RPTOR: variants seen among roughly 807,000 people sequenced by gnomAD.
RPTOR encodes the protein regulatory associated protein of MTOR complex 1.
RPTOR carries 21 observed loss-of-function variants against 169.9 expected under a neutral mutation model. That is an observed-to-expected ratio of 0.12 (90% CI 0.09 to 0.18). The LOEUF (loss-of-function observed/expected upper bound fraction) is 0.18. RPTOR is among the 10% of genes least tolerant of loss of function. The pLI, the probability that RPTOR is intolerant of heterozygous loss-of-function variation, is 1.00. For missense variants in RPTOR, 1,133 were observed against 1,855.9 expected, an observed-to-expected ratio of 0.61 and a Z score of 7.16; for synonymous variants, 732 against 753.2, an observed-to-expected ratio of 0.97 and a Z score of 0.46.
chr17:80,748,419 G>A (rs1483403615), intron 5 of RPTOR, among the ~76,000 whole-genome samples: 1 of 8,548 alleles, frequency 1.2e-4, no homozygotes, highest in Non-Finnish European at 2.1e-4. Context: ...GTGTGTGTTT[G>A]GAGGCCGTGG....
Position 80,825,921 on chromosome 17 carries a change from C to T in RPTOR, c.1136+2698C>T, listed in dbSNP as rs139432148. Among the ~76,000 whole-genome samples the T allele has an allele frequency of 3.3e-5, 5 of 152,254 alleles. No homozygotes were observed. The East Asian group carries it at 7.7e-4, about 24-fold the overall frequency. On this transcript the variant is annotated intron_variant, in intron 9 of 33. Transcript: ENST00000306801. ...CAGGGTGGGCTGTCTGGGAAGTAGA[C>T]GGAGACGGAGGCTGGTGTCATGACA...
chr17:80,673,511 T>A (rs768397334), intron 3 of RPTOR, among the ~76,000 whole-genome samples: 8 of 152,228 alleles, frequency 5.3e-5, no homozygotes, highest in Non-Finnish European at 1.0e-4. Context: ...CAAGCAGCTG[T>A]CATCGTTGTT....
intron 1 of RPTOR, among the ~76,000 whole-genome samples, chr17:80,561,139 C>T (rs949413249): frequency 1.1e-4 from 16 of 151,126 alleles, no homozygotes; most frequent in African/African-American, 3.7e-4. Context: ...GGTGTGATCT[C>T]GGCTCACTGC....
chr17:80,650,983 C>T (rs2065634782), intron 3 of RPTOR, among the ~76,000 whole-genome samples: 1 of 152,204 alleles, frequency 6.6e-6, no homozygotes, highest in African/African-American at 2.4e-5. Flanking sequence ...TCATCATGTT[C>T]CCTTTAACAA....
chr17:80,917,133 G>C (rs1306723516), intron 21 of RPTOR, among the ~76,000 whole-genome samples: 6 of 139,340 alleles, frequency 4.3e-5, no homozygotes, highest in African/African-American at 8.1e-5. Flanking sequence ...TTTTTTTTGA[G>C]ACTGAGTCTC....
chr17:80,892,855 G>C lies in RPTOR; in HGVS notation c.2228G>C (p.Ser743Thr), dbSNP rs1237481465. The change falls in exon 19 of 34, where the codon AGT becomes ACT. Residue 743 changes from serine (S) to threonine (T), a missense_variant. Ser to Thr is a moderately conservative substitution (Grantham distance 58, BLOSUM62 1). Coordinates refer to ENST00000306801, the MANE Select transcript of RPTOR (RefSeq NM_020761.3). ...CTCAACAAATCTTTGCAGAACCTGA[G>C]TTTGACAGAGGAATGTAAGATCCTG... is the stretch of plus-strand genomic sequence containing the variant. ...RSLNKSLQNLSLTEESGGAVA... is the reference protein window; with the variant it reads ...RSLNKSLQNLTLTEESGGAVA... The C allele has an allele frequency of 1.2e-6, 2 of 1,614,076 alleles. No individual in the cohort carries two copies. The highest frequency in any genetic ancestry group is 2.7e-5 in the African/African-American group (2 of 75,064).
rs1162695447 is a variant in RPTOR at position 80,803,284 on chromosome 17, G to A, written c.890+11775G>A. 1 of 152,254 alleles carries A rather than the reference G, an allele frequency of 6.6e-6. No homozygotes were observed. The highest frequency in any genetic ancestry group is 1.5e-5 in the Non-Finnish European group (1 of 68,078). 9.4% of individuals were successfully genotyped at this position (152,254 alleles called of 1,614,324 possible). A position where few individuals can be genotyped will look rare whatever the true frequency, so the allele number is the denominator to read the frequency against. ...TGAGGCCATCTCCATTTAAACTTCT[G>A]GAAACCGAGGCAAGGGAGGTGGAGA... On this transcript the variant is annotated intron_variant, in intron 7 of 33. Transcript: ENST00000306801. This position sits in a 1 kb window ranked among gnomAD's most constrained non-coding sequence, Gnocchi z 6.2.
chr17:80,671,849 C>T (rs142019640), intron 3 of RPTOR, among the ~76,000 whole-genome samples: 149 of 152,240 alleles, frequency 9.8e-4, no homozygotes, highest in African/African-American at 3.5e-3. Context: ...GTGTTCTTTG[C>T]GCACAAAGAT....
intron 2 of RPTOR, among the ~76,000 whole-genome samples, chr17:80,637,643 G>A (rs567093601): frequency 1.4e-3 from 209 of 152,338 alleles, no homozygotes; most frequent in African/African-American, 4.9e-3. Flanking sequence ...AGCAGAGTGC[G>A]GATGAGCTGC....
intron 7 of RPTOR, among the ~76,000 whole-genome samples, chr17:80,796,614 T>C (rs560339956): frequency 2.0e-5 from 3 of 152,292 alleles, no homozygotes; most frequent in African/African-American, 7.2e-5. Context: ...GTATTAGAGT[T>C]CAAGATGAGA....
chr17:80,821,008 A>G (rs577960113), intron 7 of RPTOR, among the ~76,000 whole-genome samples: 2 of 152,334 alleles, frequency 1.3e-5, no homozygotes, highest in Admixed American at 6.5e-5. Context: ...AGAATATTAT[A>G]CTAACTTCTC....
At position 80,901,849 on chromosome 17, in the gene RPTOR, C is replaced by T. The variant is rs538988299; in HGVS notation, c.2402-6962C>T. Among the ~76,000 whole-genome samples the T allele has an allele frequency of 5.9e-5, 9 of 152,064 alleles. No individual in the cohort carries two copies. In the South Asian group the frequency reaches 1.9e-3, roughly 32 times the overall value. On this transcript the variant is annotated intron_variant, in intron 20 of 33. Coordinates refer to ENST00000306801, the MANE Select transcript of RPTOR (RefSeq NM_020761.3). Reference sequence around the variant, plus strand: ...TCCCTGCTCTGCCTTCCCCAGAGCACTTGCATTCTTACACCCTCAGTCACG... The same window carrying T: ...TCCCTGCTCTGCCTTCCCCAGAGCATTTGCATTCTTACACCCTCAGTCACG...
In RPTOR at chr17:80,945,904, C is replaced by T. The variant is rs902959992; in HGVS notation, c.3140+123C>T. ...GATACAAGGCACTCACCCCGAGGCC[C>T]TTAGCACTGTTTCCTGAGAAACGGC... On this transcript the variant is annotated intron_variant, in intron 26 of 33. Transcript: ENST00000306801. The T allele has an allele frequency of 9.4e-6, 5 of 532,902 alleles. No individual in the cohort carries two copies. The African/African-American group carries it at 1.0e-4, about 11-fold the overall frequency. The allele number at this position is 532,902 out of a possible 1,614,324, so 33.0% of individuals were successfully genotyped here.
At chr17:80,744,899 T>TG (rs1567889520) in intron 5 of RPTOR, among the ~76,000 whole-genome samples, 1 of 68,000 alleles carries the variant, frequency 1.5e-5, no homozygotes, top group African/African-American at 7.6e-5. Flanking sequence ...CTACTAGCAC[T>TG]GTCCTGGCTA....
intron 3 of RPTOR, among the ~76,000 whole-genome samples, chr17:80,669,409 A>G (rs955472435): frequency 6.6e-6 from 1 of 152,014 alleles, no homozygotes; most frequent in African/African-American, 2.4e-5. Flanking sequence ...TTTGAGACGG[A>G]GTTTCACTCT....
At chr17:80,686,566 G>A (rs1435819552) in intron 3 of RPTOR, among the ~76,000 whole-genome samples, 7 of 151,972 alleles carry the variant, frequency 4.6e-5, no homozygotes, top group Admixed American at 1.3e-4. Flanking sequence ...TTGCCTTTCG[G>A]GACTCATTGG....
At chr17:80,578,151 G>A (rs1452825380) in intron 1 of RPTOR, among the ~76,000 whole-genome samples, 2 of 152,190 alleles carry the variant, frequency 1.3e-5, no homozygotes, top group East Asian at 3.8e-4. Flanking sequence ...CGTCATCTGA[G>A]GAACTTAAGT....
chr17:80,934,880 C>A (rs1408182521), intron 24 of RPTOR, among the ~76,000 whole-genome samples: 1 of 152,034 alleles, frequency 6.6e-6, no homozygotes, highest in African/African-American at 2.4e-5. Context: ...ATTCCCAAGT[C>A]CTCAGCATCG....
intron 4 of RPTOR, among the ~76,000 whole-genome samples, chr17:80,725,909 C>T (rs1275296429): frequency 6.6e-6 from 1 of 152,208 alleles, no homozygotes; most frequent in African/African-American, 2.4e-5. Context: ...TCCAAGGCAG[C>T]GGTTCTCAAC....
Sources: allele counts gnomAD v4.1 joint callset (sites outside exome capture counted in the v4.1 genomes callset), GRCh38; gene constraint gnomAD v4.1.1; non-coding constraint Gnocchi (gnomAD v3.1); transcripts MANE v1.5; gene names NCBI Gene and HGNC (gene_info 2026-07-23, HGNC 2026-07-21).